GAB2: variants seen among roughly 807,000 people sequenced by gnomAD.
GAB2 encodes the protein GRB2-associated-binding protein 2.
A neutral mutation model predicts 65.5 loss-of-function variants in GAB2; 26 were observed. The ratio of observed to expected loss-of-function variants is 0.40; its 90% confidence interval spans 0.29 to 0.55. GAB2 has a LOEUF of 0.55. Ranked by LOEUF, GAB2 falls within the 20% of genes least tolerant of loss-of-function variation. The pLI, the probability that GAB2 is intolerant of heterozygous loss-of-function variation, is 0.53. For missense variants in GAB2, 884 were observed against 875.8 expected (o/e 1.01, Z -0.12); for synonymous variants, 321 against 329.6 (o/e 0.97, Z 0.28).
At chr11:78,264,793 CATATT>C (rs1483568973) in intron 2 of GAB2, among the ~76,000 whole-genome samples, 4 of 152,142 alleles carry the variant, frequency 2.6e-5, no homozygotes, top group African/African-American at 9.7e-5. Context: ...ATTTGATAAA[CATATT>C]AATCACACAT....
chr11:78,317,617 T>G (rs1855636981), intron 1 of GAB2, among the ~76,000 whole-genome samples: 1 of 151,836 alleles, frequency 6.6e-6, no homozygotes, highest in Admixed American at 6.6e-5. Context: ...TTATGTGTAT[T>G]TTATCACAAT....
intron 1 of GAB2, among the ~76,000 whole-genome samples, chr11:78,351,340 C>T (rs536163008): frequency 6.6e-6 from 1 of 151,996 alleles, no homozygotes; most frequent in East Asian, 1.9e-4. Context: ...AGCAGAACTG[C>T]TCTAGGGGGC....
intron 1 of GAB2, among the ~76,000 whole-genome samples, chr11:78,315,184 G>C (rs1415231966): frequency 6.6e-6 from 1 of 152,160 alleles, no homozygotes; most frequent in Admixed American, 6.5e-5. Context: ...TCAAAGTTCT[G>C]CTCACGGCTG....
intron 1 of GAB2, among the ~76,000 whole-genome samples, chr11:78,288,382 GAAAA>G (rs369041941): frequency 8.4e-6 from 1 of 119,536 alleles, no homozygotes; most frequent in African/African-American, 3.2e-5. Context: ...CCATCTCAAA[GAAAA>G]AAAAAAAAAA....
rs1380024491 is a variant in GAB2, at chr11:78,215,493, T to G, written c.*3779A>C. On this transcript the variant is annotated 3_prime_UTR_variant, in exon 10 of 10. Coordinates refer to ENST00000361507, the MANE Select transcript of GAB2 (RefSeq NM_080491.3). ...CAGAATAAATTAATAACTTAAGTGA[T>G]TAGGCACCAACAGTGATTTGAAAAT... 3 of 152,650 alleles carry G rather than the reference T, an allele frequency of 2.0e-5. No individual in the cohort carries two copies. Among genetic ancestry groups the G allele is most frequent in the African/African-American group, 7.2e-5 (3 of 41,458 alleles). The allele number at this position is 152,650 out of a possible 1,614,324, so 9.5% of individuals were successfully genotyped here. A position where few individuals can be genotyped will look rare whatever the true frequency, so the allele number is the denominator to read the frequency against.
rs1417033962 is a variant in GAB2 at position 78,249,010 on chromosome 11, T to G, written c.620+1147A>C. Among the ~76,000 whole-genome samples the G allele has an allele frequency of 3.3e-5, 5 of 152,244 alleles. No homozygotes were observed. The South Asian group carries it at 1.0e-3, about 31-fold the overall frequency. On this transcript the variant is annotated intron_variant, in intron 3 of 9. Transcript: ENST00000361507. The stretch of plus-strand genomic sequence containing the variant: ...TGAAAGTTCACAAACAAATGAATCA[T>G]GTTCTTCATGAAAATGGGTATCTGA...
At chr11:78,262,955 G>C (rs1420050846) in intron 2 of GAB2, among the ~76,000 whole-genome samples, 1 of 152,170 alleles carries the variant, frequency 6.6e-6, no homozygotes, top group Admixed American at 6.5e-5. Flanking sequence ...AATTGTTTAT[G>C]GCTGCATATA....
chr11:78,368,367 A>C (rs948738038), intron 1 of GAB2, among the ~76,000 whole-genome samples: 1 of 152,250 alleles, frequency 6.6e-6, no homozygotes, highest in Non-Finnish European at 1.5e-5. Flanking sequence ...GAAATATAGT[A>C]AACTTCTGTC....
At chr11:78,379,849 G>GA (rs1300316976) in intron 1 of GAB2, among the ~76,000 whole-genome samples, 3 of 152,160 alleles carry the variant, frequency 2.0e-5, no homozygotes, top group African/African-American at 7.2e-5. Context: ...GTAAGACCAA[G>GA]AAAGTGCCAA....
At chr11:78,226,437 C>CT (rs768371181) in intron 4 of GAB2, 28 bp downstream of exon 4, 2 of 1,553,600 alleles carry the variant, frequency 1.3e-6, no homozygotes, top group Non-Finnish European at 1.8e-6. Flanking sequence ...CCTCCTCCCT[C>CT]TGAGTCTCAG....
chr11:78,349,350 A>G (rs941756425), intron 1 of GAB2, among the ~76,000 whole-genome samples: 1 of 152,204 alleles, frequency 6.6e-6, no homozygotes, highest in Non-Finnish European at 1.5e-5. Context: ...ATTATTAATG[A>G]GGTGTCTGGT....
intron 2 of GAB2, among the ~76,000 whole-genome samples, chr11:78,272,073 G>A (rs758804357): frequency 6.6e-6 from 1 of 152,202 alleles, no homozygotes; most frequent in Non-Finnish European, 1.5e-5. Flanking sequence ...CAGCCACATG[G>A]AACTGTAACT....
chr11:78,308,011 A>C (rs1350924208), intron 1 of GAB2, among the ~76,000 whole-genome samples: 1 of 151,972 alleles, frequency 6.6e-6, no homozygotes, highest in Non-Finnish European at 1.5e-5. Flanking sequence ...GAGGGAAAAC[A>C]TTTTCTTTTC....
intron 1 of GAB2, among the ~76,000 whole-genome samples, chr11:78,283,634 G>A (rs1415076171): frequency 1.3e-5 from 2 of 151,846 alleles, no homozygotes; most frequent in African/African-American, 4.8e-5. Flanking sequence ...GCTCATCAAA[G>A]GTGTCAAAGA....
intron 2 of GAB2, among the ~76,000 whole-genome samples, chr11:78,252,282 C>G (rs1298019766): frequency 6.6e-6 from 1 of 152,214 alleles, no homozygotes; most frequent in African/African-American, 2.4e-5. Flanking sequence ...AAAAACTTTT[C>G]CATTGACAGC....
intron 1 of GAB2, among the ~76,000 whole-genome samples, chr11:78,286,933 C>A (rs1021425102): frequency 2.0e-5 from 3 of 152,168 alleles, no homozygotes; most frequent in African/African-American, 7.2e-5. Flanking sequence ...AAAGCTTTTT[C>A]AGGACTGTTC....
chr11:78,259,900 G>GTA (rs1200313318), intron 2 of GAB2, among the ~76,000 whole-genome samples: 1 of 152,192 alleles, frequency 6.6e-6, no homozygotes, highest in South Asian at 2.1e-4. Context: ...GAATGAAGAT[G>GTA]TACTCTCTGT....
At chr11:78,283,837 C>CCCTGACAT in intron 1 of GAB2, among the ~76,000 whole-genome samples, 1 of 152,160 alleles carries the variant, frequency 6.6e-6, no homozygotes, top group Middle Eastern at 3.2e-3. Flanking sequence ...CTCTTCACCT[C>CCCTGACAT]CCTGACATCC....
chr11:78,413,117 G>T (rs559577902), intron 1 of GAB2, among the ~76,000 whole-genome samples: 15 of 152,326 alleles, frequency 9.8e-5, no homozygotes, highest in Middle Eastern at 3.4e-3. Flanking sequence ...TGGTGAGTTT[G>T]TGTTGACTGG....
Sources: gnomAD v4.1 joint callset for allele counts (sites outside exome capture counted in the v4.1 genomes callset) on GRCh38, gnomAD v4.1.1 for gene constraint, MANE v1.5 for transcripts, NCBI Gene and HGNC (gene_info 2026-07-23, HGNC 2026-07-21) for gene names.